PCDHA13: variants seen among roughly 807,000 people sequenced by gnomAD.
PCDHA13 encodes protocadherin alpha-13.
Under a neutral mutation model 64.8 loss-of-function variants are expected in PCDHA13, and 54 were observed. The observed-to-expected ratio is 0.83, with a 90% CI of 0.67 to 1.04. The LOEUF (loss-of-function observed/expected upper bound fraction) is 1.04, where lower values mean the gene tolerates loss of function less well. PCDHA13 is among the 50% of genes least tolerant of loss of function. The pLI is 0.00. For missense variants in PCDHA13, 1,248 were observed against 1,254.3 expected (o/e 0.99, Z 0.08); for synonymous variants, 587 against 564.4 (o/e 1.04, Z -0.57).
At chr5:140,964,634 T>C (rs2095845045) in intron 1 of PCDHA13, among the ~76,000 whole-genome samples, 1 of 151,918 alleles carries the variant, frequency 6.6e-6, no homozygotes, top group Non-Finnish European at 1.5e-5. Flanking sequence ...AGCCATTTAT[T>C]TTCAGAAACA....
intron 1 of PCDHA13, among the ~76,000 whole-genome samples, chr5:140,958,548 A>C (rs185504563): frequency 6.6e-6 from 1 of 152,180 alleles, no homozygotes; most frequent in African/African-American, 2.4e-5. Context: ...TTATGAACCA[A>C]TAAATGTTTC....
rs184768008 is a variant in PCDHA13 at position 140,933,949 on chromosome 5, G to C, written c.2395-45000G>C. ...GTTGTGACTTTTTTTCACATCTGCA[G>C]GATCTGTAGTGATGTTTCCCTTTTC... On this transcript the variant is annotated intron_variant, in intron 1 of 3. Coordinates refer to ENST00000289272, the MANE Select transcript of PCDHA13 (RefSeq NM_018904.3). Among the ~76,000 whole-genome samples the C allele has an allele frequency of 8.5e-4, 129 of 151,910 alleles. 1 individual carries two copies. The highest frequency in any genetic ancestry group is 3.0e-3 in the African/African-American group (123 of 41,458).
chr5:140,928,744 C>T (rs143875858), intron 1 of PCDHA13: 3 of 1,614,144 alleles, frequency 1.9e-6, no homozygotes, highest in Admixed American at 3.3e-5. Context: ...TATAGGTGAG[C>T]TCCGTACTGC....
intron 1 of PCDHA13, among the ~76,000 whole-genome samples, chr5:140,895,301 C>T (rs2064953096): frequency 6.6e-6 from 1 of 152,000 alleles, no homozygotes; most frequent in Non-Finnish European, 1.5e-5. Flanking sequence ...TCGATTTCCC[C>T]CCTTCCACCC....
intron 1 of PCDHA13, among the ~76,000 whole-genome samples, chr5:140,917,324 C>CGGGG (rs1299895515): frequency 3.9e-5 from 3 of 76,180 alleles, no homozygotes; most frequent in African/African-American, 8.6e-5. Context: ...GTTCATGTGG[C>CGGGG]GGGGGAGGGG....
chr5:140,908,754 A>G (rs1403008536), intron 1 of PCDHA13, among the ~76,000 whole-genome samples: 1 of 152,184 alleles, frequency 6.6e-6, no homozygotes, highest in African/African-American at 2.4e-5. Context: ...ACTTGCACAC[A>G]GCCTGGACGT....
At chr5:140,972,798 A>G (rs782291338) in intron 1 of PCDHA13, among the ~76,000 whole-genome samples, 6 of 151,178 alleles carry the variant, frequency 4.0e-5, no homozygotes, top group Admixed American at 2.6e-4. Flanking sequence ...TGAGTAGCTG[A>G]GATTACAGGC....
intron 1 of PCDHA13, among the ~76,000 whole-genome samples, chr5:140,922,606 T>C (rs1394298971): frequency 2.6e-5 from 4 of 152,176 alleles, no homozygotes; most frequent in African/African-American, 9.7e-5. Context: ...GTTGAAGATA[T>C]ATTAAAACTA....
chr5:140,946,611 AATATATATAT>A (rs1554217734), intron 1 of PCDHA13, among the ~76,000 whole-genome samples: 3 of 86,806 alleles, frequency 3.5e-5, no homozygotes, highest in African/African-American at 1.3e-4. Flanking sequence ...GAAAATGTGA[AATATATATAT>A]ATATATATAT....
intron 3 of PCDHA13, among the ~76,000 whole-genome samples, chr5:140,991,746 T>C (rs74524919): frequency 0.01 from 1,537 of 152,318 alleles, 24 homozygotes; most frequent in African/African-American, 0.035. Flanking sequence ...GTAGGCTCTT[T>C]CTATCATGCT....
chr5:140,977,701 G>A (rs1299788207), intron 1 of PCDHA13, among the ~76,000 whole-genome samples: 2 of 152,146 alleles, frequency 1.3e-5, no homozygotes, highest in African/African-American at 4.8e-5. Context: ...AAATCTGTCT[G>A]AATATTGAGA....
At position 141,005,925 on chromosome 5, in the gene PCDHA13, T is replaced by C. The variant is rs368127914; in HGVS notation, c.2543-3702T>C. On this transcript the variant is annotated intron_variant, in intron 3 of 3. Transcript: ENST00000289272. ...TTGCACCACTGCACTTCAGCCTGGT[T>C]GACAGAGTGAGAACCTATCTCTAAC... 4.1e-4 allele frequency among the ~76,000 whole-genome samples: 62 copies of C among 151,990 alleles called. 1 individual carries two copies. The highest frequency in any genetic ancestry group is 1.4e-3 in the African/African-American group (59 of 41,476).
At chr5:140,889,347 T>A (rs531486529) in intron 1 of PCDHA13, among the ~76,000 whole-genome samples, 1 of 152,202 alleles carries the variant, frequency 6.6e-6, no homozygotes, top group South Asian at 2.1e-4. Context: ...GTGGGAATAT[T>A]TCTGATTACT....
chr5:140,908,596 T>C (rs1311064984), intron 1 of PCDHA13, among the ~76,000 whole-genome samples: 1 of 152,120 alleles, frequency 6.6e-6, no homozygotes, highest in African/African-American at 2.4e-5. Flanking sequence ...CTGCAGAAGA[T>C]GGAAGGGCCT....
At chr5:140,927,186 C>T in intron 1 of PCDHA13, 1 of 1,614,174 alleles carries the variant, frequency 6.2e-7, no homozygotes, top group East Asian at 2.2e-5. Context: ...TGACCTACGA[C>T]CTGGTGCTCG....
rs1478499072 is a variant in PCDHA13 at position 140,882,356 on chromosome 5, C to T, written c.88C>T (p.Gln30Ter). 4 of 1,614,070 alleles carry T rather than the reference C, an allele frequency of 2.5e-6. No individual in the cohort carries two copies. The Admixed American group carries it at 5.0e-5, about 20-fold the overall frequency. Residue 30 changes from glutamine (Q) to a stop codon, truncating the protein, a stop_gained, in exon 1 of 4, where the codon CAG becomes TAG. Coordinates refer to ENST00000289272, the MANE Select transcript of PCDHA13 (RefSeq NM_018904.3). LOFTEE classifies it high-confidence loss of function. ...ILAAWETGSGQLHYSVPEEAK... is the reference protein window; with the variant it reads ...ILAAWETGSG ...CGCAGCCTGGGAGACGGGTAGTGGC[C>T]AGCTCCACTACTCCGTCCCCGAGGA... is the stretch of plus-strand genomic sequence containing the variant.
intron 1 of PCDHA13, among the ~76,000 whole-genome samples, chr5:140,941,737 T>A (rs1221306435): frequency 3.9e-5 from 6 of 152,234 alleles, no homozygotes; most frequent in Admixed American, 2.0e-4. Context: ...TTCCCCATTA[T>A]CTTATCAGAT....
intron 3 of PCDHA13, among the ~76,000 whole-genome samples, chr5:141,003,801 A>T (rs1554259323): frequency 1.3e-5 from 2 of 152,172 alleles, no homozygotes; most frequent in African/African-American, 4.8e-5. Context: ...ATTGGGTTGT[A>T]ATCTGTAGTC....
intron 1 of PCDHA13, among the ~76,000 whole-genome samples, chr5:140,970,698 A>G (rs2096425914): frequency 6.6e-6 from 1 of 152,228 alleles, no homozygotes; most frequent in Non-Finnish European, 1.5e-5. Flanking sequence ...TTTTAGAGCT[A>G]CTACACAATG....
Sources: gnomAD v4.1 joint callset for allele counts (sites outside exome capture counted in the v4.1 genomes callset) on GRCh38, gnomAD v4.1.1 for gene constraint, MANE v1.5 for transcripts, NCBI Gene and HGNC (gene_info 2026-07-23, HGNC 2026-07-21) for gene names.